FRY: variants seen among roughly 807,000 people sequenced by gnomAD.
FRY encodes the protein FRY microtubule binding protein.
In FRY, 128 loss-of-function variants were observed where a neutral mutation model predicts 348.4. The observed-to-expected ratio is 0.37, with a 90% CI of 0.32 to 0.43. The LOEUF (loss-of-function observed/expected upper bound fraction) is 0.43, where lower values mean the gene tolerates loss of function less well. Among genes scored for constraint, FRY ranks in the 20% least tolerant of loss-of-function variants. FRY has a pLI of 1.00. For synonymous variants in FRY, 1,370 were observed against 1,374.7 expected, an observed-to-expected ratio of 1.00 and a Z score of 0.08; for missense variants, 2,736 against 3,695.2, an observed-to-expected ratio of 0.74 and a Z score of 6.73.
chr13:32,190,968 A>G (rs1181052507), intron 28 of FRY, among the ~76,000 whole-genome samples: 1 of 152,220 alleles, frequency 6.6e-6, no homozygotes, highest in African/African-American at 2.4e-5. Flanking sequence ...ATATATACCA[A>G]TGGAGTAGAA....
At chr13:32,158,525 C>T (rs1881248108) in intron 16 of FRY, among the ~76,000 whole-genome samples, 1 of 152,170 alleles carries the variant, frequency 6.6e-6, no homozygotes, top group Non-Finnish European at 1.5e-5. Flanking sequence ...CTAGTTCTTA[C>T]CTCACAAATT....
intron 8 of FRY, among the ~76,000 whole-genome samples, 192 bp downstream of exon 8, chr13:32,132,032 A>G (rs1879399670): frequency 6.6e-6 from 1 of 152,096 alleles, no homozygotes; most frequent in Non-Finnish European, 1.5e-5. Flanking sequence ...CTCAACTTTC[A>G]TATATCTTTG....
chr13:32,057,400 G>A (rs1422804434), intron 1 of FRY, among the ~76,000 whole-genome samples: 1 of 152,076 alleles, frequency 6.6e-6, no homozygotes, highest in Non-Finnish European at 1.5e-5. Flanking sequence ...TCAAACTCCT[G>A]ACCTCAGGTG....
chr13:32,120,633 C>G (rs1006180596), intron 4 of FRY, among the ~76,000 whole-genome samples: 9 of 152,118 alleles, frequency 5.9e-5, no homozygotes, highest in African/African-American at 2.2e-4. Context: ...ACTCTTCCCC[C>G]CAAGTCCCCG....
chr13:32,247,014 A>C (rs1039565391), intron 47 of FRY, among the ~76,000 whole-genome samples: 4 of 152,080 alleles, frequency 2.6e-5, no homozygotes, highest in African/African-American at 9.7e-5. Flanking sequence ...CATAAAATGC[A>C]TTGGGAGCTT....
At chr13:32,155,443 A>G in intron 14 of FRY, 48 bp from the exon 15 acceptor site, 1 of 1,356,634 alleles carries the variant, frequency 7.4e-7, no homozygotes, top group Non-Finnish European at 1.1e-6. Context: ...GTATTCCACT[A>G]CAATAATTGG....
chr13:32,267,456 T>C, intron 55 of FRY, 97 bp downstream of exon 55: 1 of 1,036,032 alleles, frequency 9.7e-7, no homozygotes. Flanking sequence ...TCTGGGGTTA[T>C]ACTACTGTAT....
intron 1 of FRY, among the ~76,000 whole-genome samples, chr13:32,059,509 A>G (rs1027358798): frequency 6.7e-5 from 10 of 149,280 alleles, no homozygotes; most frequent in Non-Finnish European, 1.2e-4. Flanking sequence ...CACTAATGAG[A>G]TAGTGAAGCA....
intron 29 of FRY, among the ~76,000 whole-genome samples, chr13:32,195,786 T>C (rs991664058): frequency 9.9e-5 from 15 of 152,222 alleles, no homozygotes; most frequent in African/African-American, 3.4e-4. Context: ...TTGTACACTA[T>C]CTTGGTTTCT....
At chr13:32,244,802 T>A (rs1293265262) in intron 47 of FRY, among the ~76,000 whole-genome samples, 2 of 152,128 alleles carry the variant, frequency 1.3e-5, no homozygotes, top group Non-Finnish European at 2.9e-5. Context: ...TAATAAACAG[T>A]CTTTATGTAT....
chr13:32,258,182 C>T (rs903159699), intron 51 of FRY, among the ~76,000 whole-genome samples: 3 of 152,020 alleles, frequency 2.0e-5, no homozygotes, highest in Admixed American at 6.6e-5. Flanking sequence ...ATTTTTAAAA[C>T]CTTTATATGC....
At chr13:32,209,878 C>A in intron 33 of FRY, 147 bp downstream of exon 33, 1 of 820,834 alleles carries the variant, frequency 1.2e-6, no homozygotes, top group Non-Finnish European at 2.0e-6. Context: ...CCAGATATTA[C>A]ATAAAAGTTC....
chr13:32,130,452 T>TTGTGTG (rs58000380), intron 7 of FRY, among the ~76,000 whole-genome samples: 10,156 of 141,900 alleles, frequency 0.072, 564 homozygotes, highest in East Asian at 0.28. Context: ...TGGAAAGTGT[T>TTGTGTG]TGTGTGTGTG....
chr13:32,237,886 A>G lies in FRY; in HGVS notation c.6318A>G (p.Lys2106=). Reference sequence around the variant, plus strand: ...CCGGGCTGCAGCAGCTGCTGCTGAAAGGATTCACATCCCTCACCACCACAG... The same window carrying G: ...CCGGGCTGCAGCAGCTGCTGCTGAAGGGATTCACATCCCTCACCACCACAG... ...DFSGLQQLLL[K]GFTSLTTTDL... Residue 2106 remains lysine, a synonymous_variant, in exon 44 of 61, where the codon AAA becomes AAG. Transcript: ENST00000542859. The surrounding 1 kb of genome is among the most constrained non-coding windows in gnomAD (Gnocchi z 6.3). 1 of 1,614,160 alleles carries G rather than the reference A, an allele frequency of 6.2e-7. No individual in the cohort carries two copies. The highest frequency in any genetic ancestry group is 8.5e-7 in the Non-Finnish European group (1 of 1,180,012).
chr13:32,280,333 ATT>A (rs907500290), intron 58 of FRY, among the ~76,000 whole-genome samples: 4 of 152,204 alleles, frequency 2.6e-5, no homozygotes, highest in Admixed American at 2.6e-4. Context: ...AAACTCCAGC[ATT>A]TCCCTCAATC....
At chr13:32,216,493 C>G (rs1170687742) in intron 35 of FRY, among the ~76,000 whole-genome samples, 1 of 152,178 alleles carries the variant, frequency 6.6e-6, no homozygotes, top group Non-Finnish European at 1.5e-5. Flanking sequence ...TCCTGTAGTT[C>G]TTCCGGGTGC....
chr13:32,238,097 G>T (rs776514567), intron 44 of FRY, 111 bp downstream of exon 44: 16 of 1,196,754 alleles, frequency 1.3e-5, no homozygotes, highest in Non-Finnish European at 2.0e-5. Context: ...CTTAAAAATG[G>T]TTCCTTGGGA....
chr13:32,262,408 C>T lies in FRY; in HGVS notation c.7712C>T (p.Thr2571Ile), dbSNP rs1420594280. 6.2e-7 allele frequency: 1 copy of T among 1,613,200 alleles called. No individual in the cohort carries two copies. The highest frequency in any genetic ancestry group is 1.1e-5 in the South Asian group (1 of 91,060). The change falls in exon 53 of 61, where the codon ACC (threonine) becomes ATC (isoleucine). Residue 2571 changes from threonine to isoleucine, a missense_variant. Transcript: ENST00000542859. Reference protein sequence around the residue: ...STPAEPHSFNTRMSSFDASLP... With the variant: ...STPAEPHSFNIRMSSFDASLP... ...CCTGCAGAACCTCATTCCTTTAACA[C>T]CAGAATGTCCAGCTTTGATGCTTCC...
At chr13:32,109,559 C>T (rs78158477) in intron 3 of FRY, among the ~76,000 whole-genome samples, 6,238 of 152,160 alleles carry the variant, frequency 0.041, 151 homozygotes, top group Non-Finnish European at 0.064. Flanking sequence ...GCAGGGGTCT[C>T]ACAGACAAAG....
Sources: allele counts gnomAD v4.1 joint callset (sites outside exome capture counted in the v4.1 genomes callset), GRCh38; gene constraint gnomAD v4.1.1; non-coding constraint Gnocchi (gnomAD v3.1); transcripts MANE v1.5; gene names NCBI Gene and HGNC (gene_info 2026-07-23, HGNC 2026-07-21).